Variants in NMNAT2 observed in about 807,000 individuals in gnomAD.
The protein encoded by NMNAT2 is nicotinamide nucleotide adenylyltransferase 2, also known as nicotinamide/nicotinic acid mononucleotide adenylyltransferase 2.
Under a neutral mutation model 41.6 loss-of-function variants are expected in NMNAT2, and 11 were observed. That is an observed-to-expected ratio of 0.26 (90% CI 0.17 to 0.44). The LOEUF is 0.44. NMNAT2 is among the 20% of genes least tolerant of loss of function. The probability of loss-of-function intolerance (pLI) is 1.00; values close to 1 mark genes in which losing one functional copy is unlikely to be tolerated. For synonymous variants in NMNAT2, 148 were observed against 151.2 expected (o/e 0.98, Z 0.16); for missense variants, 288 against 407.7 (o/e 0.71, Z 2.53).
chr1:183,272,181 G>C (rs970722515), intron 8 of NMNAT2, among the ~76,000 whole-genome samples: 8 of 152,212 alleles, frequency 5.3e-5, no homozygotes, highest in African/African-American at 1.9e-4. Context: ...TCACAAATCT[G>C]CCCATGGTTG....
At chr1:183,330,328 G>T (rs1662554997) in intron 1 of NMNAT2, among the ~76,000 whole-genome samples, 2 of 152,238 alleles carry the variant, frequency 1.3e-5, no homozygotes, top group Admixed American at 6.5e-5. Context: ...GAAGACCCAG[G>T]ATTTGGTGAG....
intron 1 of NMNAT2, among the ~76,000 whole-genome samples, chr1:183,382,924 T>C (rs1258625905): frequency 2.0e-5 from 3 of 152,236 alleles, no homozygotes; most frequent in East Asian, 3.9e-4. Context: ...CATTAGGCAA[T>C]GCCCAAGTAG....
At position 183,404,694 on chromosome 1, in the gene NMNAT2, C is replaced by T. The variant is rs78501170; in HGVS notation, c.85+13489G>A. On this transcript the variant is annotated intron_variant, in intron 1 of 10. Transcript: ENST00000287713. ...CATGATGTGAGAAAGATGTGAAAGACAGTGCTTTACAAGCAATGCTTTAAA... is the reference window on the plus strand; with the variant it reads ...CATGATGTGAGAAAGATGTGAAAGATAGTGCTTTACAAGCAATGCTTTAAA... Among the ~76,000 whole-genome samples, 187 of 152,288 alleles carry T rather than the reference C, an allele frequency of 1.2e-3. 1 individual carries two copies. The East Asian group carries it at 0.024, about 20-fold the overall frequency.
intron 1 of NMNAT2, among the ~76,000 whole-genome samples, chr1:183,384,408 C>T (rs902794077): frequency 3.9e-5 from 6 of 152,162 alleles, no homozygotes; most frequent in Non-Finnish European, 5.9e-5. Flanking sequence ...CCATGTTGGC[C>T]ATGCTCGTCT....
intron 1 of NMNAT2, among the ~76,000 whole-genome samples, chr1:183,346,771 G>T (rs887731123): frequency 1.3e-5 from 2 of 152,148 alleles, no homozygotes. Flanking sequence ...TTCACAGAAC[G>T]AGGTGTTGCC....
At chr1:183,326,494 G>A (rs2102335001) in intron 1 of NMNAT2, among the ~76,000 whole-genome samples, 1 of 152,050 alleles carries the variant, frequency 6.6e-6, no homozygotes, top group South Asian at 2.1e-4. Flanking sequence ...TGAAGAGGAG[G>A]ATCCAGGGGC....
At chr1:183,326,984 C>A (rs984773828) in intron 1 of NMNAT2, among the ~76,000 whole-genome samples, 1 of 151,872 alleles carries the variant, frequency 6.6e-6, no homozygotes, top group Non-Finnish European at 1.5e-5. Context: ...GTGGACATAG[C>A]TATCCCCATT....
intron 1 of NMNAT2, among the ~76,000 whole-genome samples, chr1:183,359,263 G>A (rs1465718102): frequency 1.3e-5 from 2 of 152,112 alleles, no homozygotes; most frequent in African/African-American, 2.4e-5. Context: ...AACAGATTAT[G>A]TTAGTAAAAT....
At chr1:183,354,409 C>CTTT (rs67663742) in intron 1 of NMNAT2, among the ~76,000 whole-genome samples, 44 of 89,652 alleles carry the variant, frequency 4.9e-4, no homozygotes, top group African/African-American at 9.0e-4. Flanking sequence ...TCTTTAATGT[C>CTTT]TTTTTTTTTT....
chr1:183,415,455 T>A (rs1189668023), intron 1 of NMNAT2, among the ~76,000 whole-genome samples: 4 of 152,226 alleles, frequency 2.6e-5, no homozygotes, highest in Admixed American at 2.6e-4. Flanking sequence ...GCCAGTTTAA[T>A]TCTCTTAGTT....
chr1:183,249,682 C>CGGGTGT lies in NMNAT2; in HGVS notation c.*2958_*2959insACACCC, dbSNP rs1660321464. On this transcript the variant is annotated 3_prime_UTR_variant, in exon 11 of 11. Coordinates refer to ENST00000287713, the MANE Select transcript of NMNAT2 (RefSeq NM_015039.4). The stretch of plus-strand genomic sequence containing the variant: ...TTCCCCTAGCAAATGAAGAGTAGGG[C>CGGGTGT]GTGTGTGTGTGTGTGTGTGTGTGTG... The CGGGTGT allele has an allele frequency of 8.4e-6, 1 of 119,516 alleles. No homozygotes were observed. The highest frequency in any genetic ancestry group is 1.7e-5 in the Non-Finnish European group (1 of 57,488). The allele number at this position is 119,516 out of a possible 1,614,324, so 7.4% of individuals were successfully genotyped here. A position where few individuals can be genotyped will look rare whatever the true frequency, so the allele number is the denominator to read the frequency against.
At chr1:183,325,803 G>T (rs934903611) in intron 1 of NMNAT2, among the ~76,000 whole-genome samples, 1 of 152,134 alleles carries the variant, frequency 6.6e-6, no homozygotes, top group Non-Finnish European at 1.5e-5. Flanking sequence ...CTATTGCCCA[G>T]TACATAGTAC....
intron 1 of NMNAT2, among the ~76,000 whole-genome samples, chr1:183,318,087 G>A (rs1418565542): frequency 1.3e-5 from 2 of 152,222 alleles, no homozygotes; most frequent in South Asian, 4.1e-4. Context: ...GCAGAGGTAA[G>A]CTCATGGCCC....
intron 1 of NMNAT2, among the ~76,000 whole-genome samples, chr1:183,341,724 C>CGAAAAAAAAAAA (rs1557883660): frequency 6.3e-5 from 1 of 15,822 alleles, no homozygotes; most frequent in South Asian, 1.7e-3. Flanking sequence ...CAAACAAACA[C>CGAAAAAAAAAAA]CAAAAAAAAA....
In NMNAT2 at chr1:183,384,727, T is replaced by C. The variant is rs537722399; in HGVS notation, c.85+33456A>G. On this transcript the variant is annotated intron_variant, in intron 1 of 10. Transcript: ENST00000287713. Reference sequence around the variant, plus strand: ...CATCTTTACTCAAAGACGTCTCTCATTGCCTTGAGGTTAGAGGTGTTAATA... The same window carrying C: ...CATCTTTACTCAAAGACGTCTCTCACTGCCTTGAGGTTAGAGGTGTTAATA... 3.9e-4 allele frequency among the ~76,000 whole-genome samples: 59 copies of C among 152,318 alleles called. No homozygotes were observed. The South Asian group carries it at 0.012, about 31-fold the overall frequency.
At chr1:183,344,499 A>C (rs1662884602) in intron 1 of NMNAT2, among the ~76,000 whole-genome samples, 1 of 152,204 alleles carries the variant, frequency 6.6e-6, no homozygotes, top group African/African-American at 2.4e-5. Flanking sequence ...CAGGTGTTTG[A>C]GAGCACAAAT....
intron 10 of NMNAT2, among the ~76,000 whole-genome samples, chr1:183,254,239 T>C (rs1031561467): frequency 6.6e-6 from 1 of 152,184 alleles, no homozygotes; most frequent in African/African-American, 2.4e-5. Context: ...CACACCCTCA[T>C]CGACATTTGT....
intron 1 of NMNAT2, among the ~76,000 whole-genome samples, chr1:183,389,040 A>G (rs948193237): frequency 3.3e-5 from 5 of 152,188 alleles, no homozygotes; most frequent in African/African-American, 1.2e-4. Flanking sequence ...GAGTTAGGGA[A>G]TGGAGGAGAG....
At chr1:183,309,462 C>G (rs982695608) in intron 1 of NMNAT2, among the ~76,000 whole-genome samples, 1 of 152,168 alleles carries the variant, frequency 6.6e-6, no homozygotes, top group Non-Finnish European at 1.5e-5. Context: ...CATCTCTAGG[C>G]CTCATGTCAC....
Sources: allele counts gnomAD v4.1 joint callset (sites outside exome capture counted in the v4.1 genomes callset), GRCh38; gene constraint gnomAD v4.1.1; transcripts MANE v1.5; gene names NCBI Gene and HGNC (gene_info 2026-07-23, HGNC 2026-07-21).